The following NFIC variants were observed in gnomAD, a reference collection of about 807,000 sequenced individuals.
NFIC encodes nuclear factor I C.
Under a neutral mutation model 54.4 loss-of-function variants are expected in NFIC, and 12 were observed. That is an observed-to-expected ratio of 0.22 (90% CI 0.14 to 0.36). The LOEUF is 0.36. Among genes scored for constraint, NFIC ranks in the 10% least tolerant of loss-of-function variants. NFIC has a pLI of 1.00. For synonymous variants in NFIC, 322 were observed against 319.2 expected, an observed-to-expected ratio of 1.01 and a Z score of -0.09; for missense variants, 575 against 718.2, an observed-to-expected ratio of 0.80 and a Z score of 2.28.
chr19:3,370,400 G>A lies in NFIC; in HGVS notation c.30+3734G>A. On this transcript the variant is annotated intron_variant, in intron 1 of 10. Coordinates refer to ENST00000443272, the MANE Select transcript of NFIC (RefSeq NM_001245002.2). This position sits in a 1 kb window ranked among gnomAD's most constrained non-coding sequence, Gnocchi z 5.2. The stretch of plus-strand genomic sequence containing the variant: ...CTCTGTTTCTCCCCCTCCCCTCTCT[G>A]CGGCGGAGGTGCCTCTGCGCGCCAG... Among the ~76,000 whole-genome samples the A allele has an allele frequency of 6.6e-6, 1 of 151,650 alleles. No individual in the cohort carries two copies. The highest frequency in any genetic ancestry group is 2.1e-4 in the South Asian group (1 of 4,798).
Position 3,452,847 on chromosome 19 carries a change from A to G in NFIC, c.1269+181A>G, listed in dbSNP as rs1448371970. On this transcript the variant is annotated intron_variant, in intron 8 of 10. Transcript: ENST00000443272. This position sits in a 1 kb window ranked among gnomAD's most constrained non-coding sequence, Gnocchi z 5.3. ...TGGGTCAGAATTGAGATGCTTTCGG[A>G]TGTCAGGGTTTCGGGCGCATCATGT... 6.6e-6 allele frequency among the ~76,000 whole-genome samples: 1 copy of G among 152,088 alleles called. No individual in the cohort carries two copies. The highest frequency in any genetic ancestry group is 6.6e-5 in the Admixed American group (1 of 15,262).
chr19:3,381,637 A>G lies in NFIC; in HGVS notation c.31-75A>G, dbSNP rs951523883. ...GTCTGTTCAGGGCCCCTCCGACCTC[A>G]GCCTTCGGGGCCGGGCAGTGGGTCC... On this transcript the variant is annotated intron_variant, in intron 1 of 10. Coordinates refer to ENST00000443272, the MANE Select transcript of NFIC (RefSeq NM_001245002.2). The G allele has an allele frequency of 5.9e-6, 9 of 1,527,182 alleles. No individual in the cohort carries two copies. The Admixed American group carries it at 8.1e-5, about 14-fold the overall frequency. The allele number at this position is 1,527,182 out of a possible 1,614,324, so 94.6% of individuals were successfully genotyped here.
intron 1 of NFIC, among the ~76,000 whole-genome samples, chr19:3,378,943 C>G (rs1270020047): frequency 6.6e-6 from 1 of 152,218 alleles, no homozygotes; most frequent in Non-Finnish European, 1.5e-5. Context: ...GAAATCCCCC[C>G]ACCCTTCCAG....
rs767116753 is a variant in NFIC, at chr19:3,452,599, A to G, written c.1202A>G (p.Asn401Ser). 6 of 1,610,078 alleles carry G rather than the reference A, an allele frequency of 3.7e-6. No individual in the cohort carries two copies. In the South Asian group the frequency reaches 6.6e-5, roughly 18 times the overall value. Reference protein sequence around the residue: ...HTAIRYPPHLNPQDPLKDLVS... With the variant: ...HTAIRYPPHLSPQDPLKDLVS... ...GCCATCCGCTACCCACCTCATCTCA[A>G]CCCCCAGGACCCGCTCAAAGATCTT... The change falls in exon 8 of 11, where the codon AAC (asparagine) becomes AGC (serine). Residue 401 changes from asparagine to serine, a missense_variant. Around this residue, in one of 3 missense-constraint regions of NFIC, gnomAD observed 447 missense variants for 526.9 expected, o/e 0.85. Transcript: ENST00000443272. The surrounding 1 kb of genome is among the most constrained non-coding windows in gnomAD (Gnocchi z 5.3).
rs1481087638 is a variant in NFIC, at chr19:3,369,728, G to A, written c.30+3062G>A. Among the ~76,000 whole-genome samples the A allele has an allele frequency of 2.0e-5, 3 of 149,190 alleles. No homozygotes were observed. The highest frequency in any genetic ancestry group is 3.0e-5 in the Non-Finnish European group (2 of 67,138). On this transcript the variant is annotated intron_variant, in intron 1 of 10. Transcript: ENST00000443272. This position sits in a 1 kb window ranked among gnomAD's most constrained non-coding sequence, Gnocchi z 4.3. Reference sequence around the variant, plus strand: ...CCGGCGGGAAGGCCGGCCTCCCCGCGCCTGCTCTGGGCCTCCCTCCCTGCC... The same window carrying A: ...CCGGCGGGAAGGCCGGCCTCCCCGCACCTGCTCTGGGCCTCCCTCCCTGCC...
At position 3,445,368 on chromosome 19, in the gene NFIC, C is replaced by A. The variant is rs1351900778; in HGVS notation, c.959-3646C>A. ...GCTTGGTCACAGACTTCATGGCATC[C>A]CACTGGGCAGTGGGGCCTCTCTGGG... is the stretch of plus-strand genomic sequence containing the variant. On this transcript the variant is annotated intron_variant, in intron 6 of 10. Coordinates refer to ENST00000443272, the MANE Select transcript of NFIC (RefSeq NM_001245002.2). Among the ~76,000 whole-genome samples, 14 of 152,222 alleles carry A rather than the reference C, an allele frequency of 9.2e-5. 1 individual carries two copies. Among genetic ancestry groups the A allele is most frequent in the Admixed American group, 9.2e-4 (14 of 15,288 alleles).
intron 2 of NFIC, among the ~76,000 whole-genome samples, chr19:3,417,462 G>T (rs867792868): frequency 2.6e-5 from 4 of 152,032 alleles, no homozygotes; most frequent in African/African-American, 9.7e-5. Context: ...GATGGAAGCT[G>T]CCCACTGGGG....
chr19:3,409,779 C>T (rs543934226), intron 2 of NFIC, among the ~76,000 whole-genome samples: 21 of 152,326 alleles, frequency 1.4e-4, no homozygotes, highest in African/African-American at 3.6e-4. Flanking sequence ...ATCCAGCGTG[C>T]GTGGCTGTTG....
chr19:3,464,638 C>T lies in NFIC; in HGVS notation c.*1869C>T, dbSNP rs2082692086. 3.1e-6 allele frequency: 3 copies of T among 982,602 alleles called. No homozygotes were observed. Among genetic ancestry groups the T allele is most frequent in the South Asian group, 9.4e-5 (2 of 21,186 alleles). 60.9% of individuals were successfully genotyped at this position (982,602 alleles called of 1,614,324 possible). Reference sequence around the variant, plus strand: ...AGGGCAGGTCTCCGGGTCTCACCTGCTCCTAGCCTCACCCCCCTGCCCCCG... The same window carrying T: ...AGGGCAGGTCTCCGGGTCTCACCTGTTCCTAGCCTCACCCCCCTGCCCCCG... On this transcript the variant is annotated 3_prime_UTR_variant, in exon 11 of 11. Transcript: ENST00000443272.
intron 2 of NFIC, among the ~76,000 whole-genome samples, chr19:3,419,364 C>G (rs562895366): frequency 1.8e-4 from 28 of 152,214 alleles, no homozygotes; most frequent in African/African-American, 6.7e-4. Flanking sequence ...GTTCCAATTA[C>G]TCGACAGTCT....
intron 1 of NFIC, among the ~76,000 whole-genome samples, chr19:3,371,998 C>CCT (rs56852086): frequency 0.057 from 2,015 of 35,384 alleles, 324 homozygotes; most frequent in Non-Finnish European, 0.068. Context: ...CCTCTCTCTC[C>CCT]CTCTCTCTCT....
chr19:3,405,560 C>T (rs8107983), intron 2 of NFIC, among the ~76,000 whole-genome samples: 6,145 of 152,118 alleles, frequency 0.04, 420 homozygotes, highest in African/African-American at 0.14. Flanking sequence ...AGGGTCCGTA[C>T]TGGAATTCCT....
At chr19:3,373,418 A>T in intron 1 of NFIC, among the ~76,000 whole-genome samples, 1 of 147,344 alleles carries the variant, frequency 6.8e-6, no homozygotes. Flanking sequence ...CCCCTCCTCA[A>T]CCCTCCCCTC....
chr19:3,463,727 G>A lies in NFIC; in HGVS notation c.*958G>A, dbSNP rs2082675915. 3.1e-6 allele frequency: 3 copies of A among 982,098 alleles called. No individual in the cohort carries two copies. The highest frequency in any genetic ancestry group is 5.2e-4 in the Middle Eastern group (1 of 1,932). The allele number at this position is 982,098 out of a possible 1,614,324, so 60.8% of individuals were successfully genotyped here. ...ACACACTGTAAGAAATGCACTTTCC[G>A]AGGAAGGGGATGGGGGAGCCCGGAC... On this transcript the variant is annotated 3_prime_UTR_variant, in exon 11 of 11. Coordinates refer to ENST00000443272, the MANE Select transcript of NFIC (RefSeq NM_001245002.2).
intron 2 of NFIC, among the ~76,000 whole-genome samples, chr19:3,405,538 C>CT (rs1407117771): frequency 1.3e-5 from 2 of 152,084 alleles, no homozygotes; most frequent in Admixed American, 1.3e-4. Flanking sequence ...AGGAAGTTCT[C>CT]TATGGAGGAT....
intron 6 of NFIC, among the ~76,000 whole-genome samples, chr19:3,441,154 C>T (rs1316806863): frequency 6.6e-6 from 1 of 152,220 alleles, no homozygotes; most frequent in Non-Finnish European, 1.5e-5. Context: ...TAGTCCCAGA[C>T]AGCCCTGCGG....
chr19:3,416,206 G>A (rs2081851571), intron 2 of NFIC, among the ~76,000 whole-genome samples: 1 of 148,114 alleles, frequency 6.8e-6, no homozygotes, highest in Middle Eastern at 3.5e-3. Flanking sequence ...CCCCCATAAA[G>A]AGCCCTTTTA....
At chr19:3,454,373 T>TTCTCCCCAAGAAGCCA in intron 9 of NFIC, 1 of 700,616 alleles carries the variant, frequency 1.4e-6, no homozygotes, top group Non-Finnish European at 1.8e-6. Context: ...TCTGGCTTCT[T>TTCTCCCCAAGAAGCCA]GGGGAGAAAG....
intron 2 of NFIC, among the ~76,000 whole-genome samples, chr19:3,407,206 C>T (rs1050502688): frequency 1.3e-5 from 2 of 151,338 alleles, no homozygotes; most frequent in African/African-American, 2.4e-5. Context: ...CTCTGCCTCC[C>T]GGGTTCACGC....
Sources: allele counts gnomAD v4.1 joint callset (sites outside exome capture counted in the v4.1 genomes callset), GRCh38; gene constraint gnomAD v4.1.1; regional missense constraint gnomAD v4.1.1; non-coding constraint Gnocchi (gnomAD v3.1); transcripts MANE v1.5; gene names NCBI Gene and HGNC (gene_info 2026-07-23, HGNC 2026-07-21).